The following ZNF536 variants were observed in gnomAD, a reference collection of about 807,000 sequenced individuals.
ZNF536 encodes zinc finger protein 536.
Under a neutral mutation model 84.5 loss-of-function variants are expected in ZNF536, and 13 were observed. The ratio of observed to expected loss-of-function variants is 0.15; its 90% CI spans 0.10 to 0.24. The LOEUF is 0.24. Ranked by LOEUF, ZNF536 falls within the 10% of genes least tolerant of loss-of-function variation. ZNF536 has a pLI of 1.00. For synonymous variants in ZNF536, 811 were observed against 742.5 expected (o/e 1.09, Z -1.50); for missense variants, 1,536 against 1,747.5 (o/e 0.88, Z 2.16).
At chr19:30,536,048 C>G (rs2045064730) in intron 3 of ZNF536, among the ~76,000 whole-genome samples, 1 of 152,146 alleles carries the variant, frequency 6.6e-6, no homozygotes, top group African/African-American at 2.4e-5. Flanking sequence ...GAGTCACCAG[C>G]CCTGTTCATC....
intron 1 of ZNF536, among the ~76,000 whole-genome samples, chr19:30,247,173 G>A (rs2024326464): frequency 6.6e-6 from 1 of 152,218 alleles, no homozygotes; most frequent in Admixed American, 6.5e-5. Context: ...ATGAAAATAA[G>A]ATATGTATTC....
chr19:30,475,658 G>A (rs759171999), intron 2 of ZNF536, among the ~76,000 whole-genome samples: 18 of 152,250 alleles, frequency 1.2e-4, no homozygotes, highest in Non-Finnish European at 1.9e-4. Flanking sequence ...ATGAAGAAAC[G>A]GGGGTACAGC....
chr19:30,678,161 G>A (rs1250784064), intron 1 of ZNF536, among the ~76,000 whole-genome samples: 2 of 152,218 alleles, frequency 1.3e-5, no homozygotes, highest in East Asian at 3.8e-4. Context: ...AGAGAAGCAA[G>A]GGGGTGCTGT....
intron 3 of ZNF536, among the ~76,000 whole-genome samples, chr19:30,357,360 C>T (rs548947479): frequency 1.8e-4 from 27 of 152,148 alleles, no homozygotes; most frequent in South Asian, 6.2e-4. Context: ...TAAGGGACAG[C>T]GTGTAGGCCA....
At chr19:30,354,296 G>A (rs796186315) in intron 3 of ZNF536, among the ~76,000 whole-genome samples, 4 of 152,284 alleles carry the variant, frequency 2.6e-5, no homozygotes, top group African/African-American at 7.2e-5. Flanking sequence ...GGGCTTCTTG[G>A]ACTCTGTAGA....
At chr19:30,437,934 A>T (rs2051829291) in intron 1 of ZNF536, among the ~76,000 whole-genome samples, 2 of 152,108 alleles carry the variant, frequency 1.3e-5, no homozygotes, top group African/African-American at 4.8e-5. Flanking sequence ...AGCTGTTCTC[A>T]CTGTTTAGTA....
intron 1 of ZNF536, among the ~76,000 whole-genome samples, chr19:30,642,629 A>G (rs555712494): frequency 8.7e-4 from 132 of 152,302 alleles, no homozygotes; most frequent in Admixed American, 2.6e-3. Flanking sequence ...AAGTTTCAGA[A>G]GGAAATTTTG....
intron 1 of ZNF536, among the ~76,000 whole-genome samples, chr19:30,270,945 T>C (rs552166578): frequency 1.3e-5 from 2 of 152,306 alleles, no homozygotes; most frequent in African/African-American, 4.8e-5. Context: ...GGATTTTTTT[T>C]TTTTATAATG....
intron 1 of ZNF536, among the ~76,000 whole-genome samples, chr19:30,417,175 T>A (rs1459050783): frequency 3.1e-5 from 4 of 130,320 alleles, no homozygotes; most frequent in African/African-American, 8.5e-5. Flanking sequence ...TTTTTTTTTT[T>A]TAGTAGAAAC....
chr19:30,284,721 C>A (rs1457544774), intron 2 of ZNF536, among the ~76,000 whole-genome samples: 1 of 152,160 alleles, frequency 6.6e-6, no homozygotes, highest in Admixed American at 6.5e-5. Context: ...TCTGAGGCTG[C>A]CCCTGATATC....
chr19:30,392,173 C>G (rs2049619897), intron 1 of ZNF536, among the ~76,000 whole-genome samples: 1 of 152,152 alleles, frequency 6.6e-6, no homozygotes, highest in Non-Finnish European at 1.5e-5. Flanking sequence ...CAGCCACACC[C>G]TTTCCCTTGG....
At chr19:30,363,464 A>T (rs189166698) in intron 3 of ZNF536, among the ~76,000 whole-genome samples, 1 of 152,218 alleles carries the variant, frequency 6.6e-6, no homozygotes. Flanking sequence ...CTTTTTCAGT[A>T]CACTCTGAGC....
intron 1 of ZNF536, among the ~76,000 whole-genome samples, chr19:30,242,116 T>C (rs1440467572): frequency 6.6e-6 from 1 of 152,126 alleles, no homozygotes; most frequent in Non-Finnish European, 1.5e-5. Flanking sequence ...CTTCTCTGCC[T>C]GATGCCCTCT....
intron 1 of ZNF536, among the ~76,000 whole-genome samples, chr19:30,398,643 G>T (rs1568390659): frequency 6.6e-6 from 1 of 152,066 alleles, no homozygotes; most frequent in Non-Finnish European, 1.5e-5. Context: ...TGCGGTGTTT[G>T]GTTTTCTGTT....
chr19:30,594,143 A>C (rs1279940719), intron 1 of ZNF536, among the ~76,000 whole-genome samples: 2 of 152,218 alleles, frequency 1.3e-5, no homozygotes, highest in African/African-American at 4.8e-5. Flanking sequence ...AAGCACAATC[A>C]ATAGGCGTTC....
chr19:30,268,006 G>T (rs1277752994), intron 1 of ZNF536, among the ~76,000 whole-genome samples: 1 of 145,360 alleles, frequency 6.9e-6, no homozygotes, highest in Non-Finnish European at 1.5e-5. Flanking sequence ...TGGAGAAAAT[G>T]GATAGTGATT....
At chr19:30,240,972 A>G (rs1418537566) in intron 1 of ZNF536, among the ~76,000 whole-genome samples, 1 of 152,174 alleles carries the variant, frequency 6.6e-6, no homozygotes, top group Non-Finnish European at 1.5e-5. Context: ...AAACCGATTC[A>G]TATCTGGGCT....
chr19:30,536,824 C>A (rs1370634537), intron 3 of ZNF536, among the ~76,000 whole-genome samples: 2 of 152,100 alleles, frequency 1.3e-5, no homozygotes, highest in African/African-American at 2.4e-5. Flanking sequence ...AGGGAGGGGG[C>A]CTTGCATTCT....
intron 1 of ZNF536, among the ~76,000 whole-genome samples, chr19:30,375,470 C>T (rs1413130777): frequency 1.3e-5 from 2 of 152,212 alleles, no homozygotes; most frequent in Non-Finnish European, 2.9e-5. Flanking sequence ...CCCCCGGCCC[C>T]TGTCCGCAGC....
Sources: gnomAD v4.1 joint callset for allele counts (sites outside exome capture counted in the v4.1 genomes callset) on GRCh38, gnomAD v4.1.1 for gene constraint, MANE v1.5 for transcripts, NCBI Gene and HGNC (gene_info 2026-07-23, HGNC 2026-07-21) for gene names.